Variants in VPS41 observed in about 807,000 individuals in gnomAD.
VPS41 encodes the protein VPS41 subunit of HOPS complex, also known as vacuolar protein sorting-associated protein 41 homolog.
Under a neutral mutation model 130.9 loss-of-function variants are expected in VPS41, and 85 were observed. That is an observed-to-expected ratio of 0.65 (90% CI 0.55 to 0.78). The LOEUF is 0.78. Ranked by LOEUF, VPS41 falls within the 30% of genes least tolerant of loss-of-function variation. VPS41 has a pLI of 0.00. For synonymous variants in VPS41, 335 were observed against 332.9 expected (o/e 1.01, Z -0.07); for missense variants, 874 against 1,018.7 (o/e 0.86, Z 1.93).
intron 11 of VPS41, 148 bp from the exon 12 acceptor site, chr7:38,774,392 T>A: frequency 3.0e-6 from 2 of 660,568 alleles, no homozygotes; most frequent in Non-Finnish European, 2.2e-6. Flanking sequence ...GAAAGAGGTT[T>A]AACTGACTCA....
chr7:38,741,486 C>A (rs1346939685), intron 25 of VPS41: 5 of 198,990 alleles, frequency 2.5e-5, no homozygotes, highest in Non-Finnish European at 4.5e-5. Flanking sequence ...TTCTAGAAAA[C>A]AGACAAAAGG....
intron 12 of VPS41, among the ~76,000 whole-genome samples, chr7:38,773,239 A>T (rs1784190409): frequency 6.6e-6 from 1 of 152,208 alleles, no homozygotes; most frequent in African/African-American, 2.4e-5. Flanking sequence ...TTTCCTGCAG[A>T]ATTCAATTAT....
At chr7:38,849,650 A>C (rs1482992322) in intron 4 of VPS41, among the ~76,000 whole-genome samples, 1 of 152,088 alleles carries the variant, frequency 6.6e-6, no homozygotes, top group Non-Finnish European at 1.5e-5. Flanking sequence ...ATGCTCTTCA[A>C]CCAATGTGCT....
At chr7:38,790,675 G>A (rs1018566984) in intron 9 of VPS41, among the ~76,000 whole-genome samples, 1 of 152,092 alleles carries the variant, frequency 6.6e-6, no homozygotes, top group African/African-American at 2.4e-5. Context: ...TGCAAATACC[G>A]CATCATTTTA....
chr7:38,754,839 C>A (rs1584376501), intron 20 of VPS41, 56 bp downstream of exon 20: 1 of 1,585,496 alleles, frequency 6.3e-7, no homozygotes, highest in South Asian at 1.1e-5. Flanking sequence ...TTCTTCACAG[C>A]TATAGGAGTC....
chr7:38,791,387 T>C (rs1438372521), intron 9 of VPS41, among the ~76,000 whole-genome samples: 1 of 152,180 alleles, frequency 6.6e-6, no homozygotes, highest in Non-Finnish European at 1.5e-5. Flanking sequence ...GTATCGGCAA[T>C]ATTAGTGAAC....
At chr7:38,843,921 A>G (rs1209205856) in intron 4 of VPS41, among the ~76,000 whole-genome samples, 6 of 152,222 alleles carry the variant, frequency 3.9e-5, no homozygotes, top group Admixed American at 6.5e-5. Context: ...ATACTGCATG[A>G]AAATGTGGTT....
chr7:38,886,651 C>A (rs1177256578), intron 2 of VPS41, among the ~76,000 whole-genome samples: 1 of 152,246 alleles, frequency 6.6e-6, no homozygotes, highest in Non-Finnish European at 1.5e-5. Flanking sequence ...TGCCTCACAG[C>A]TCTGAAGGGA....
At chr7:38,896,304 A>G (rs1350143487) in intron 2 of VPS41, among the ~76,000 whole-genome samples, 2 of 152,224 alleles carry the variant, frequency 1.3e-5, no homozygotes, top group Non-Finnish European at 2.9e-5. Flanking sequence ...ATGCTTTTCA[A>G]TACTGTATGA....
chr7:38,743,952 G>A (rs1795936299), intron 23 of VPS41, among the ~76,000 whole-genome samples: 1 of 152,150 alleles, frequency 6.6e-6, no homozygotes, highest in Non-Finnish European at 1.5e-5. Context: ...ATATATTCTG[G>A]AGGTCAATAC....
chr7:38,739,734 T>C (rs1449387852), intron 25 of VPS41, among the ~76,000 whole-genome samples: 1 of 152,140 alleles, frequency 6.6e-6, no homozygotes, highest in Non-Finnish European at 1.5e-5. Flanking sequence ...TCCCTCACCC[T>C]CTGAGAAGCC....
At chr7:38,741,199 T>A (rs1210706179) in intron 25 of VPS41, 4 of 230,582 alleles carry the variant, frequency 1.7e-5, no homozygotes, top group African/African-American at 9.5e-5. Context: ...TGGCTTTACC[T>A]GCAAAAATTG....
intron 4 of VPS41, among the ~76,000 whole-genome samples, chr7:38,832,319 C>CTTTTT (rs543207806): frequency 9.2e-4 from 106 of 114,714 alleles, no homozygotes; most frequent in African/African-American, 1.9e-3. Context: ...TTCTTTCTTT[C>CTTTTT]TTTTTTTTTT....
intron 2 of VPS41, among the ~76,000 whole-genome samples, chr7:38,872,519 T>C (rs554688796): frequency 6.6e-6 from 1 of 152,354 alleles, no homozygotes; most frequent in East Asian, 1.9e-4. Flanking sequence ...ACATAAGCTA[T>C]TAGCTGTTTA....
At chr7:38,811,348 T>C (rs1016298023) in intron 7 of VPS41, among the ~76,000 whole-genome samples, 7 of 152,026 alleles carry the variant, frequency 4.6e-5, no homozygotes, top group African/African-American at 1.4e-4. Flanking sequence ...TTTAACCATA[T>C]GCAAACAGAT....
intron 9 of VPS41, among the ~76,000 whole-genome samples, chr7:38,793,634 C>T (rs1049644816): frequency 1.3e-5 from 2 of 152,168 alleles, no homozygotes; most frequent in South Asian, 4.1e-4. Context: ...ACATCTGTTA[C>T]AGTTCCGCAG....
chr7:38,732,607 CAATT>C (rs1165335035), intron 25 of VPS41, among the ~76,000 whole-genome samples: 1 of 152,032 alleles, frequency 6.6e-6, no homozygotes, highest in Admixed American at 6.6e-5. Flanking sequence ...GTACTTTTAA[CAATT>C]AAATAAATGG....
chr7:38,780,853 A>G (rs148538496), intron 10 of VPS41, among the ~76,000 whole-genome samples: 1 of 152,140 alleles, frequency 6.6e-6, no homozygotes, highest in African/African-American at 2.4e-5. Context: ...TTTTAGCACA[A>G]TCCTCTTGGT....
At chr7:38,869,682 T>C (rs1786306192) in intron 2 of VPS41, among the ~76,000 whole-genome samples, 1 of 152,118 alleles carries the variant, frequency 6.6e-6, no homozygotes, top group Non-Finnish European at 1.5e-5. Context: ...CTTCAATAAG[T>C]AATAGGAAAC....
Sources: allele counts gnomAD v4.1 joint callset (sites outside exome capture counted in the v4.1 genomes callset), GRCh38; gene constraint gnomAD v4.1.1; transcripts MANE v1.5; gene names NCBI Gene and HGNC (gene_info 2026-07-23, HGNC 2026-07-21).